ZNF469: variants seen among roughly 807,000 people sequenced by gnomAD.
ZNF469 encodes zinc finger protein 469.
A neutral mutation model predicts 1.0 loss-of-function variants in ZNF469; 1 was observed. The observed-to-expected ratio is 1.00, with a 90% CI of 0.35 to 4.73. The LOEUF is 4.73. ZNF469 is among the 30% of genes most tolerant of loss of function. ZNF469 has a pLI of 0.16. For synonymous variants in ZNF469, 2,703 were observed against 2,363.4 expected (o/e 1.14, Z -4.17); for missense variants, 6,100 against 5,356.3 (o/e 1.14, Z -4.33).
the ZNF469 span, among the ~76,000 whole-genome samples, chr16:88,109,372 TC>T: frequency 6.6e-6 from 1 of 152,204 alleles, no homozygotes; most frequent in Non-Finnish European, 1.5e-5. Context: ...CCTCTGCACC[TC>T]CTCCCAGACT....
the ZNF469 span, among the ~76,000 whole-genome samples, chr16:88,376,789 A>G: frequency 7.2e-5 from 11 of 152,194 alleles, no homozygotes; most frequent in East Asian, 2.1e-3. Context: ...TGGGGCTTGG[A>G]CCCAGGCCAC....
At chr16:88,387,796 G>A (rs547912344) in intron 1 of ZNF469, among the ~76,000 whole-genome samples, 5 of 152,260 alleles carry the variant, frequency 3.3e-5, no homozygotes, top group South Asian at 4.1e-4. Flanking sequence ...CTGCCACCCC[G>A]TCCCCCTAAC....
chr16:88,177,566 CCT>C, the ZNF469 span: 2 of 152,220 alleles, frequency 1.3e-5, no homozygotes, highest in Non-Finnish European at 2.9e-5. This position sits in a 1 kb window ranked among gnomAD's most constrained non-coding sequence, Gnocchi z 4.8. Context: ...GGGATGTGCC[CCT>C]GACACCGAAA....
the ZNF469 span, among the ~76,000 whole-genome samples, chr16:88,199,410 C>T: frequency 2.0e-5 from 3 of 152,212 alleles, no homozygotes; most frequent in South Asian, 2.1e-4. Flanking sequence ...CAGAATCCGC[C>T]GGCCCACATG....
chr16:88,422,280 T>G (rs1597202310), intron 1 of ZNF469, among the ~76,000 whole-genome samples: 3 of 4,362 alleles, frequency 6.9e-4, no homozygotes, highest in African/African-American at 2.1e-3. Context: ...GATAGGTGGG[T>G]AATGGATGGA....
At chr16:88,409,596 C>T (rs986595001) in intron 1 of ZNF469, among the ~76,000 whole-genome samples, 20 of 152,174 alleles carry the variant, frequency 1.3e-4, no homozygotes, top group Admixed American at 1.0e-3. Flanking sequence ...GGATGGAGGA[C>T]CTTCTCCTCA....
chr16:88,247,059 TTGAG>T, the ZNF469 span, among the ~76,000 whole-genome samples: 5 of 23,346 alleles, frequency 2.1e-4, no homozygotes, highest in Admixed American at 9.9e-4. Context: ...GAGTGAGTGA[TTGAG>T]TGAGTGACTG....
At chr16:88,200,569 C>A in the ZNF469 span, among the ~76,000 whole-genome samples, 3 of 152,232 alleles carry the variant, frequency 2.0e-5, no homozygotes, top group African/African-American at 7.2e-5. Context: ...ACGCCATCGG[C>A]CCTCACCCTG....
At chr16:88,167,285 C>T in the ZNF469 span, among the ~76,000 whole-genome samples, 22 of 152,208 alleles carry the variant, frequency 1.4e-4, no homozygotes, top group African/African-American at 3.9e-4. Flanking sequence ...TGGTCTTGAA[C>T]TCCTGACTTC....
intron 1 of ZNF469, among the ~76,000 whole-genome samples, chr16:88,390,775 G>C (rs1904464375): frequency 6.6e-6 from 1 of 152,214 alleles, no homozygotes; most frequent in South Asian, 2.1e-4. Flanking sequence ...GGTGGGTTTT[G>C]AACGGTGACT....
At chr16:88,426,393 G>T (rs969749867) in intron 2 of ZNF469, among the ~76,000 whole-genome samples, 2 of 152,284 alleles carry the variant, frequency 1.3e-5, no homozygotes, top group African/African-American at 4.8e-5. Flanking sequence ...CACACGGAGC[G>T]GCCTGCGCAC....
At chr16:88,324,146 C>T in the ZNF469 span, among the ~76,000 whole-genome samples, 2 of 152,204 alleles carry the variant, frequency 1.3e-5, no homozygotes, top group East Asian at 3.8e-4. Context: ...CCCCACGGGG[C>T]CTGTTCGGGG....
chr16:88,138,801 T>C, the ZNF469 span, among the ~76,000 whole-genome samples: 1 of 152,238 alleles, frequency 6.6e-6, no homozygotes, highest in Non-Finnish European at 1.5e-5. Flanking sequence ...CTAAAGTCAG[T>C]AGCAAAACAA....
At chr16:88,356,721 G>T in the ZNF469 span, among the ~76,000 whole-genome samples, 1 of 152,172 alleles carries the variant, frequency 6.6e-6, no homozygotes, top group Non-Finnish European at 1.5e-5. Flanking sequence ...CCGTCGTTCC[G>T]TGACCTTGAC....
chr16:88,343,675 G>C, the ZNF469 span, among the ~76,000 whole-genome samples: 7 of 152,076 alleles, frequency 4.6e-5, no homozygotes, highest in African/African-American at 1.2e-4. Flanking sequence ...GGCTGAGCCT[G>C]GTGGCTCAGG....
rs575854370 is a variant in ZNF469, at chr16:88,436,336, C to A, written c.8866C>A (p.Pro2956Thr). The A allele has an allele frequency of 7.1e-6, 11 of 1,549,566 alleles. No individual in the cohort carries two copies. Among genetic ancestry groups the A allele is most frequent in the South Asian group, 4.8e-5 (4 of 84,050 alleles). The change falls in exon 3 of 3, where the codon CCC becomes ACC. Residue 2956 changes from proline to threonine, a missense_variant. Physicochemically the swap from Pro to Thr is conservative, Grantham distance 38 (BLOSUM62 -1). Transcript: ENST00000565624. ...SRVPGIDPWA[P>T]GLSLWALEPS... ...GGTGCCTGGCATTGACCCCTGGGCC[C>A]CCGGCCTCAGCCTGTGGGCCCTGGA...
the ZNF469 span, among the ~76,000 whole-genome samples, chr16:88,322,425 C>T: frequency 6.6e-6 from 1 of 152,248 alleles, no homozygotes; most frequent in African/African-American, 2.4e-5. Flanking sequence ...CTGCCTGTCA[C>T]GTCAGTGTCC....
chr16:88,432,463 C>T lies in ZNF469; in HGVS notation c.4993C>T (p.His1665Tyr). Residue 1665 changes from histidine (H) to tyrosine (Y), a missense_variant, in exon 3 of 3, where the codon CAT becomes TAT. Coordinates refer to ENST00000565624, the MANE Select transcript of ZNF469 (RefSeq NM_001367624.2). Reference sequence around the variant, plus strand: ...GACGTGGCCCTGCCCAGCCTCCTTCCATCCGGGACATGCAGCCCTTCTCCC... The same window carrying T: ...GACGTGGCCCTGCCCAGCCTCCTTCTATCCGGGACATGCAGCCCTTCTCCC... ...GGTWPCPASF[H>Y]PGHAALLPCA... is the part of the protein sequence containing the mutation. 1 of 1,550,356 alleles carries T rather than the reference C, an allele frequency of 6.5e-7. No individual in the cohort carries two copies. Among genetic ancestry groups the T allele is most frequent in the East Asian group, 2.4e-5 (1 of 40,910 alleles).
the ZNF469 span, among the ~76,000 whole-genome samples, chr16:88,263,014 G>A: frequency 5.9e-5 from 9 of 152,336 alleles, no homozygotes; most frequent in African/African-American, 9.6e-5. Flanking sequence ...AAATGCAGGC[G>A]TGGCCCCCGG....
Sources: gnomAD v4.1 joint callset for allele counts (sites outside exome capture counted in the v4.1 genomes callset) on GRCh38, gnomAD v4.1.1 for gene constraint, Gnocchi (gnomAD v3.1) non-coding constraint, MANE v1.5 for transcripts, NCBI Gene and HGNC (gene_info 2026-07-23, HGNC 2026-07-21) for gene names.